The following BACH2 variants were observed in gnomAD, a reference collection of about 807,000 sequenced individuals.
The protein encoded by BACH2 is transcription regulator protein BACH2.
Under a neutral mutation model 61.8 loss-of-function variants are expected in BACH2, and 5 were observed. The observed-to-expected ratio is 0.08, with a 90% CI of 0.04 to 0.17. The LOEUF (loss-of-function observed/expected upper bound fraction) is 0.17. Ranked by LOEUF, BACH2 falls within the 10% of genes least tolerant of loss-of-function variation. The pLI is 1.00. For synonymous variants in BACH2, 446 were observed against 440.1 expected, an observed-to-expected ratio of 1.01 and a Z score of -0.17; for missense variants, 824 against 1,091.1, an observed-to-expected ratio of 0.76 and a Z score of 3.45.
intron 7 of BACH2, among the ~76,000 whole-genome samples, chr6:89,940,829 AATT>A (rs1773380786): frequency 1.3e-5 from 2 of 150,622 alleles, no homozygotes; most frequent in Admixed American, 6.7e-5. Context: ...TAGCTAATAT[AATT>A]ATTAATGAGA....
intron 2 of BACH2, among the ~76,000 whole-genome samples, chr6:90,256,229 G>C (rs1770974064): frequency 6.6e-6 from 1 of 152,126 alleles, no homozygotes; most frequent in Non-Finnish European, 1.5e-5. Context: ...CTTCTTCCTG[G>C]TGCACAGCTG....
intron 4 of BACH2, among the ~76,000 whole-genome samples, chr6:90,158,632 G>A (rs896776186): frequency 3.9e-5 from 6 of 152,046 alleles, no homozygotes; most frequent in African/African-American, 1.4e-4. Flanking sequence ...ACGAGAGACG[G>A]GTGGTTGAGC....
chr6:89,997,235 A>G (rs1776900347), intron 6 of BACH2, among the ~76,000 whole-genome samples: 1 of 152,224 alleles, frequency 6.6e-6, no homozygotes. Context: ...AGACTTTGTT[A>G]AACAGAACTT....
chr6:90,003,682 G>A (rs1261890282), intron 6 of BACH2, among the ~76,000 whole-genome samples: 2 of 152,228 alleles, frequency 1.3e-5, no homozygotes, highest in Non-Finnish European at 2.9e-5. Context: ...CTCACATGCA[G>A]TGATACCAAG....
chr6:90,295,115 C>A (rs1025765256), intron 1 of BACH2, among the ~76,000 whole-genome samples: 1 of 151,858 alleles, frequency 6.6e-6, no homozygotes, highest in Non-Finnish European at 1.5e-5. Flanking sequence ...CGGGAGACTG[C>A]GGGTCCGTCT....
chr6:90,176,024 T>C (rs976480314), intron 4 of BACH2, among the ~76,000 whole-genome samples: 1 of 152,210 alleles, frequency 6.6e-6, no homozygotes, highest in Non-Finnish European at 1.5e-5. Flanking sequence ...AGGCTGTGGC[T>C]GGCCCAAGCT....
intron 6 of BACH2, among the ~76,000 whole-genome samples, chr6:89,991,111 C>T (rs1259538411): frequency 6.6e-6 from 1 of 152,232 alleles, no homozygotes; most frequent in Non-Finnish European, 1.5e-5. Context: ...CTCCACAATA[C>T]TTGTAGGCCC....
chr6:89,977,248 G>GA (rs530753236), intron 6 of BACH2, among the ~76,000 whole-genome samples: 151 of 152,156 alleles, frequency 9.9e-4, no homozygotes, highest in African/African-American at 3.4e-3. Context: ...TCAAATTTAT[G>GA]AAAAAATATA....
At chr6:90,088,212 A>C (rs1200841160) in intron 5 of BACH2, among the ~76,000 whole-genome samples, 1 of 152,200 alleles carries the variant, frequency 6.6e-6, no homozygotes, top group Non-Finnish European at 1.5e-5. Flanking sequence ...TAATGCTATG[A>C]TGACTCACTC....
intron 3 of BACH2, among the ~76,000 whole-genome samples, chr6:90,225,749 C>T (rs906661195): frequency 4.6e-5 from 7 of 152,080 alleles, no homozygotes; most frequent in African/African-American, 4.8e-5. Context: ...ACATCCTGCA[C>T]GTGTATCCTG....
At chr6:89,944,578 T>C (rs994553213) in intron 7 of BACH2, among the ~76,000 whole-genome samples, 2 of 152,200 alleles carry the variant, frequency 1.3e-5, no homozygotes, top group Non-Finnish European at 2.9e-5. Flanking sequence ...ACATACAACA[T>C]GTGTCTCAAA....
intron 5 of BACH2, among the ~76,000 whole-genome samples, chr6:90,074,305 T>C (rs925784801): frequency 6.6e-6 from 1 of 152,196 alleles, no homozygotes; most frequent in Non-Finnish European, 1.5e-5. Flanking sequence ...GACTTTATTG[T>C]TCATTTGAAC....
intron 1 of BACH2, among the ~76,000 whole-genome samples, chr6:90,285,008 T>C (rs1771974085): frequency 6.6e-6 from 1 of 152,244 alleles, no homozygotes; most frequent in Admixed American, 6.5e-5. Context: ...TGTGCAAAGC[T>C]TTCCCTTCCC....
intron 4 of BACH2, among the ~76,000 whole-genome samples, chr6:90,114,124 T>A (rs977968050): frequency 9.2e-5 from 14 of 152,104 alleles, no homozygotes; most frequent in African/African-American, 3.1e-4. Flanking sequence ...ACAGAAATTA[T>A]TCCAAAAAAT....
At chr6:90,256,134 C>T (rs375376323) in intron 2 of BACH2, among the ~76,000 whole-genome samples, 1 of 152,086 alleles carries the variant, frequency 6.6e-6, no homozygotes, top group Non-Finnish European at 1.5e-5. Flanking sequence ...TCACATAAAA[C>T]GTACAGTGTG....
intron 5 of BACH2, among the ~76,000 whole-genome samples, chr6:90,052,405 G>A (rs143937695): frequency 6.6e-6 from 1 of 151,382 alleles, no homozygotes; most frequent in African/African-American, 2.4e-5. Context: ...TTGCCTTAAA[G>A]TCTTTTATCT....
chr6:90,037,306 A>C (rs1294524814), intron 5 of BACH2, among the ~76,000 whole-genome samples: 1 of 152,252 alleles, frequency 6.6e-6, no homozygotes, highest in Admixed American at 6.5e-5. Context: ...GCCCATCTTC[A>C]AACCAATATC....
intron 6 of BACH2, among the ~76,000 whole-genome samples, chr6:89,996,585 T>C (rs1776860641): frequency 2.6e-5 from 4 of 152,174 alleles, no homozygotes. Flanking sequence ...TGCAAGTGCC[T>C]CTTTTTGGGT....
Position 90,106,700 on chromosome 6 carries a change from TGACCACCAA to T in BACH2, c.-161-17600_-161-17592del, listed in dbSNP as rs1266442058. On this transcript the variant is annotated intron_variant, in intron 4 of 8. Coordinates refer to ENST00000257749, the MANE Select transcript of BACH2 (RefSeq NM_021813.4). ...CTAGTTCAATGTGTCATCAAAGTCT[TGACCACCAA>T]GTGGGTGGCGCTGATTAAATACCTC... 9.8e-5 allele frequency among the ~76,000 whole-genome samples: 15 copies of T among 152,358 alleles called. No individual in the cohort carries two copies. The South Asian group carries it at 2.7e-3, about 27-fold the overall frequency.
Sources: gnomAD v4.1 joint callset for allele counts (sites outside exome capture counted in the v4.1 genomes callset) on GRCh38, gnomAD v4.1.1 for gene constraint, MANE v1.5 for transcripts, NCBI Gene and HGNC (gene_info 2026-07-23, HGNC 2026-07-21) for gene names.